The following TTLL5 variants were observed in gnomAD, a reference collection of about 807,000 sequenced individuals.
TTLL5 encodes tubulin tyrosine ligase like 5, also known as tubulin polyglutamylase TTLL5.
Under a neutral mutation model 168.4 loss-of-function variants are expected in TTLL5, and 132 were observed. The observed-to-expected ratio is 0.78, with a 90% CI of 0.68 to 0.91. The LOEUF (loss-of-function observed/expected upper bound fraction) is 0.91. Ranked by LOEUF, TTLL5 falls within the 40% of genes least tolerant of loss-of-function variation. TTLL5 has a pLI of 0.00. For synonymous variants in TTLL5, 546 were observed against 558.6 expected (o/e 0.98, Z 0.32); for missense variants, 1,545 against 1,581.5 (o/e 0.98, Z 0.39).
intron 28 of TTLL5, among the ~76,000 whole-genome samples, chr14:75,844,889 C>A (rs1273748622): frequency 6.6e-6 from 1 of 152,200 alleles, no homozygotes; most frequent in East Asian, 1.9e-4. Flanking sequence ...AGTAACATTT[C>A]TATTTCTGAA....
chr14:75,886,641 T>C, intron 30 of TTLL5: 1 of 1,577,094 alleles, frequency 6.3e-7, no homozygotes. Flanking sequence ...ACCATTTTCC[T>C]GGTGCCAATA....
At chr14:75,724,824 A>C (rs1373807139) in intron 12 of TTLL5, among the ~76,000 whole-genome samples, 1 of 152,234 alleles carries the variant, frequency 6.6e-6, no homozygotes, top group East Asian at 1.9e-4. Context: ...TAATATGCTT[A>C]AACAGCAATC....
intron 30 of TTLL5, among the ~76,000 whole-genome samples, chr14:75,892,114 A>G (rs1447568682): frequency 1.3e-5 from 2 of 152,242 alleles, no homozygotes; most frequent in Non-Finnish European, 1.5e-5. Flanking sequence ...TCTAAAGGCA[A>G]TTGAAGACAA....
At chr14:75,825,943 T>G (rs567702102) in intron 28 of TTLL5, among the ~76,000 whole-genome samples, 48 of 152,260 alleles carry the variant, frequency 3.2e-4, no homozygotes, top group African/African-American at 1.1e-3. Flanking sequence ...TGTGACAGAT[T>G]CTACAGTTCC....
At chr14:75,741,339 C>T (rs190902912) in intron 15 of TTLL5, among the ~76,000 whole-genome samples, 1 of 152,306 alleles carries the variant, frequency 6.6e-6, no homozygotes, top group Admixed American at 6.5e-5. Flanking sequence ...GTTCTCCTCT[C>T]TAAGTTCAGA....
chr14:75,690,336 A>G lies in TTLL5; in HGVS notation c.502+14A>G, dbSNP rs372117861. The G allele has an allele frequency of 3.4e-5, 55 of 1,594,410 alleles. No individual in the cohort carries two copies. The highest frequency in any genetic ancestry group is 6.7e-5 in the African/African-American group (5 of 74,172). On this transcript the variant is annotated intron_variant, in intron 6 of 31. Coordinates refer to ENST00000298832, the MANE Select transcript of TTLL5 (RefSeq NM_015072.5). ...CGGAATTTTGTAGTAAGTGCTTGAC[A>G]GAGAATGCCCCAGTCCCCAGCAACT...
rs200028462 is a variant in TTLL5 at position 75,766,044 on chromosome 14, G to T, written c.1709-18G>T. On this transcript the variant is annotated intron_variant, in intron 19 of 31. Transcript: ENST00000298832. ...TTTAATCCTTTTTTCAGCAACATTA[G>T]TGATTCTTCGTATTTAGTGATTACC... 3 of 1,594,280 alleles carry T rather than the reference G, an allele frequency of 1.9e-6. No individual in the cohort carries two copies. In the Admixed American group the frequency reaches 5.3e-5, roughly 28 times the overall value.
At chr14:75,872,788 G>A (rs1007764924) in intron 29 of TTLL5, among the ~76,000 whole-genome samples, 3 of 151,692 alleles carry the variant, frequency 2.0e-5, no homozygotes, top group African/African-American at 7.3e-5. Context: ...GCGCATGCCT[G>A]TAATCCCAGC....
At chr14:75,914,616 C>CTTTTT (rs1301805389) in intron 31 of TTLL5, among the ~76,000 whole-genome samples, 1 of 121,036 alleles carries the variant, frequency 8.3e-6, no homozygotes, top group African/African-American at 3.2e-5. Context: ...GATCACTACT[C>CTTTTT]TTGTTTTTTT....
intron 30 of TTLL5, among the ~76,000 whole-genome samples, chr14:75,895,384 T>C (rs1169885523): frequency 2.6e-5 from 4 of 152,156 alleles, no homozygotes; most frequent in African/African-American, 9.7e-5. Flanking sequence ...GGTATTCGAG[T>C]ATATGTGGAA....
At chr14:75,894,341 T>A (rs962617077) in intron 30 of TTLL5, among the ~76,000 whole-genome samples, 1 of 152,086 alleles carries the variant, frequency 6.6e-6, no homozygotes, top group Non-Finnish European at 1.5e-5. Flanking sequence ...CACCTGAGGT[T>A]AGGGGTTCGA....
At chr14:75,791,458 G>T (rs1419210823) in intron 26 of TTLL5, among the ~76,000 whole-genome samples, 1 of 152,088 alleles carries the variant, frequency 6.6e-6, no homozygotes, top group Non-Finnish European at 1.5e-5. Context: ...TCTATATTAG[G>T]ATACCATTTT....
chr14:75,873,500 A>G (rs1398439251), intron 29 of TTLL5, among the ~76,000 whole-genome samples: 1 of 152,210 alleles, frequency 6.6e-6, no homozygotes, highest in Non-Finnish European at 1.5e-5. Flanking sequence ...CCTCATGTTG[A>G]GTGAAATGAT....
At chr14:75,917,801 A>T (rs2033673749) in intron 31 of TTLL5, among the ~76,000 whole-genome samples, 2 of 152,074 alleles carry the variant, frequency 1.3e-5, no homozygotes, top group African/African-American at 4.8e-5. Flanking sequence ...TGAAGTGAGG[A>T]GGTAGGAGGT....
At chr14:75,898,673 A>T in intron 30 of TTLL5, among the ~76,000 whole-genome samples, 1 of 152,194 alleles carries the variant, frequency 6.6e-6, no homozygotes, top group South Asian at 2.1e-4. Flanking sequence ...CATAGTTTAT[A>T]CAACATGATC....
intron 23 of TTLL5, among the ~76,000 whole-genome samples, chr14:75,778,264 G>A (rs373266233): frequency 2.6e-5 from 4 of 152,316 alleles, no homozygotes; most frequent in African/African-American, 7.2e-5. Flanking sequence ...ATGTGGTGAC[G>A]TCAGTTCTTC....
rs536284769 is a variant in TTLL5, at chr14:75,879,595, T to A, written c.3523-3090T>A. ...AAAAATCCAATGAAGTAATTTTTTT[T>A]AATTAAGCTCCTCATCTTCTAAAGG... On this transcript the variant is annotated intron_variant, in intron 29 of 31. Coordinates refer to ENST00000298832, the MANE Select transcript of TTLL5 (RefSeq NM_015072.5). 7.2e-5 allele frequency among the ~76,000 whole-genome samples: 11 copies of A among 152,354 alleles called. No homozygotes were observed. The East Asian group carries it at 1.5e-3, about 21-fold the overall frequency.
chr14:75,933,605 G>A (rs1020318557), intron 31 of TTLL5, among the ~76,000 whole-genome samples: 1 of 152,134 alleles, frequency 6.6e-6, no homozygotes, highest in Admixed American at 6.5e-5. Context: ...AGGATAAACT[G>A]GTGGGATCTG....
At chr14:75,813,889 G>A (rs1324093551) in intron 27 of TTLL5, among the ~76,000 whole-genome samples, 1 of 149,148 alleles carries the variant, frequency 6.7e-6, no homozygotes, top group Non-Finnish European at 1.5e-5. Flanking sequence ...AGACCCCTTT[G>A]TGACCAATAA....
Sources: allele counts gnomAD v4.1 joint callset (sites outside exome capture counted in the v4.1 genomes callset), GRCh38; gene constraint gnomAD v4.1.1; transcripts MANE v1.5; gene names NCBI Gene and HGNC (gene_info 2026-07-23, HGNC 2026-07-21).